PPARGC1A: variants seen among roughly 807,000 people sequenced by gnomAD.
The protein encoded by PPARGC1A is peroxisome proliferator-activated receptor gamma coactivator 1-alpha.
A neutral mutation model predicts 88.7 loss-of-function variants in PPARGC1A; 25 were observed. That is an observed-to-expected ratio of 0.28 (90% confidence interval 0.21 to 0.39). The LOEUF (loss-of-function observed/expected upper bound fraction) is 0.39. Ranked by LOEUF, PPARGC1A falls within the 10% of genes least tolerant of loss-of-function variation. The pLI, the probability that PPARGC1A is intolerant of heterozygous loss-of-function variation, is 1.00. For synonymous variants in PPARGC1A, 363 were observed against 355.6 expected (o/e 1.02, Z -0.24); for missense variants, 880 against 968.7 (o/e 0.91, Z 1.22).
chr4:23,906,607 C>CAAAAAAAAA (rs35171233), upstream of PPARGC1A, among the ~76,000 whole-genome samples: 1 of 63,728 alleles, frequency 1.6e-5, no homozygotes. Context: ...CTCTGTCTCA[C>CAAAAAAAAA]AAAAAAAAAA....
At chr4:24,161,592 G>A in the PPARGC1A span, among the ~76,000 whole-genome samples, 1 of 152,176 alleles carries the variant, frequency 6.6e-6, no homozygotes. Context: ...CTAGAAAGGG[G>A]AATGGAGCCT....
At chr4:24,107,519 T>C in the PPARGC1A span, among the ~76,000 whole-genome samples, 1 of 152,246 alleles carries the variant, frequency 6.6e-6, no homozygotes, top group Non-Finnish European at 1.5e-5. Context: ...GAAATAGTCT[T>C]TTCTCTTTCA....
chr4:24,121,020 CT>C, the PPARGC1A span, among the ~76,000 whole-genome samples: 2 of 152,218 alleles, frequency 1.3e-5, no homozygotes, highest in African/African-American at 4.8e-5. Context: ...AATGATTCAG[CT>C]TGCTAGTTGC....
rs767758361 is a variant in PPARGC1A at position 23,792,132 on chromosome 4, T to C, written c.*3690A>G. ...CAATGAATAAAACCACAACAATACA[T>C]GTAGAATTGGCAGGTGGAAAAAAGG... is the stretch of plus-strand genomic sequence containing the variant. On this transcript the variant is annotated 3_prime_UTR_variant, in exon 13 of 13. Coordinates refer to ENST00000264867, the MANE Select transcript of PPARGC1A (RefSeq NM_013261.5). The C allele has an allele frequency of 5.2e-5, 8 of 152,568 alleles. No individual in the cohort carries two copies. The South Asian group carries it at 6.2e-4, about 12-fold the overall frequency. 9.5% of individuals were successfully genotyped at this position (152,568 alleles called of 1,614,324 possible). A position where few individuals can be genotyped will look rare whatever the true frequency, so the allele number is the denominator to read the frequency against.
the PPARGC1A span, among the ~76,000 whole-genome samples, chr4:24,078,471 C>T: frequency 6.6e-6 from 1 of 152,120 alleles, no homozygotes; most frequent in Non-Finnish European, 1.5e-5. Context: ...TGTTCTTCTA[C>T]TGTGCCTAAC....
At chr4:23,812,265 A>T (rs907687347) in intron 10 of PPARGC1A, among the ~76,000 whole-genome samples, 1 of 151,484 alleles carries the variant, frequency 6.6e-6, no homozygotes, top group African/African-American at 2.4e-5. Flanking sequence ...TTTCTTAGCA[A>T]CTCTTCCTCC....
At chr4:24,291,650 C>T in the PPARGC1A span, among the ~76,000 whole-genome samples, 2 of 152,190 alleles carry the variant, frequency 1.3e-5, no homozygotes, top group Non-Finnish European at 2.9e-5. Context: ...GCCTTCCATC[C>T]GAAGTCCTGC....
intron 7 of PPARGC1A, among the ~76,000 whole-genome samples, chr4:23,822,477 C>A (rs1433248679): frequency 2.0e-5 from 3 of 152,014 alleles, no homozygotes; most frequent in Non-Finnish European, 4.4e-5. Flanking sequence ...CTGCCTTTAT[C>A]ATTTTAAAAA....
At chr4:24,060,288 A>G in the PPARGC1A span, among the ~76,000 whole-genome samples, 2 of 152,192 alleles carry the variant, frequency 1.3e-5, no homozygotes, top group Admixed American at 6.5e-5. Context: ...ATCAGCTTTC[A>G]TTTTGCAAGC....
chr4:24,421,711 T>A, the PPARGC1A span, among the ~76,000 whole-genome samples: 1 of 152,198 alleles, frequency 6.6e-6, no homozygotes, highest in Admixed American at 6.5e-5. Context: ...GCCTCCATGA[T>A]GCGTACCTGT....
At chr4:24,137,307 C>T in the PPARGC1A span, among the ~76,000 whole-genome samples, 1 of 151,860 alleles carries the variant, frequency 6.6e-6, no homozygotes, top group African/African-American at 2.4e-5. Context: ...ACCCTGCCAA[C>T]ACCTTGATCT....
chr4:24,126,747 G>A, the PPARGC1A span, among the ~76,000 whole-genome samples: 1 of 152,166 alleles, frequency 6.6e-6, no homozygotes, highest in Non-Finnish European at 1.5e-5. Flanking sequence ...GTTCCCAAGG[G>A]CGGCATGCTA....
Position 23,828,728 on chromosome 4 carries a change from A to T in PPARGC1A, c.553-124T>A, listed in dbSNP as rs563027860. ...TCAGTCTAAGTGTACTAGATCTATG[A>T]GCTGTGAATAACTGTTTGCAGAACA... On this transcript the variant is annotated intron_variant, in intron 4 of 12. Coordinates refer to ENST00000264867, the MANE Select transcript of PPARGC1A (RefSeq NM_013261.5). 9 of 785,312 alleles carry T rather than the reference A, an allele frequency of 1.1e-5. No homozygotes were observed. The East Asian group carries it at 2.3e-4, about 20-fold the overall frequency. The allele number at this position is 785,312 out of a possible 1,614,324, so 48.6% of individuals were successfully genotyped here.
the PPARGC1A span, among the ~76,000 whole-genome samples, chr4:24,053,231 G>A: frequency 1.3e-5 from 2 of 151,758 alleles, no homozygotes; most frequent in Non-Finnish European, 2.9e-5. Context: ...ATAATAAGAA[G>A]GTCCAACCAA....
the PPARGC1A span, among the ~76,000 whole-genome samples, chr4:24,021,094 G>C: frequency 6.6e-6 from 1 of 152,174 alleles, no homozygotes; most frequent in African/African-American, 2.4e-5. Flanking sequence ...AAAATGTGTT[G>C]GCCTTGAAGC....
chr4:24,196,990 T>A, the PPARGC1A span, among the ~76,000 whole-genome samples: 1 of 152,244 alleles, frequency 6.6e-6, no homozygotes, highest in African/African-American at 2.4e-5. Flanking sequence ...GAGCACTGGA[T>A]ATTTTTATGA....
At chr4:24,207,291 A>G in the PPARGC1A span, among the ~76,000 whole-genome samples, 2 of 152,158 alleles carry the variant, frequency 1.3e-5, no homozygotes, top group African/African-American at 4.8e-5. Context: ...CATTTAAATG[A>G]CAGAAACCGC....
At chr4:24,415,273 T>C in the PPARGC1A span, among the ~76,000 whole-genome samples, 9,040 of 152,030 alleles carry the variant, frequency 0.059, 310 homozygotes, top group Middle Eastern at 0.11. Flanking sequence ...GGGTCATCGA[T>C]AGTTGTGGAG....
At chr4:23,804,261 T>C (rs1368805451) in intron 10 of PPARGC1A, among the ~76,000 whole-genome samples, 1 of 152,184 alleles carries the variant, frequency 6.6e-6, no homozygotes, top group Non-Finnish European at 1.5e-5. Flanking sequence ...GAACACCATC[T>C]AGCCAGTTAT....
Sources: gnomAD v4.1 joint callset for allele counts (sites outside exome capture counted in the v4.1 genomes callset) on GRCh38, gnomAD v4.1.1 for gene constraint, MANE v1.5 for transcripts, NCBI Gene and HGNC (gene_info 2026-07-23, HGNC 2026-07-21) for gene names.